The following CNTN5 variants were observed in gnomAD, a reference collection of about 807,000 sequenced individuals.
CNTN5 encodes the protein contactin 5, also known as contactin-5.
Under a neutral mutation model 129.1 loss-of-function variants are expected in CNTN5, and 77 were observed. That is an observed-to-expected ratio of 0.60 (90% CI 0.50 to 0.72). CNTN5 has a LOEUF of 0.72. Ranked by LOEUF, CNTN5 falls within the 30% of genes least tolerant of loss-of-function variation. The pLI is 0.00. For missense variants in CNTN5, 1,478 were observed against 1,328.8 expected (o/e 1.11, Z -1.75); for synonymous variants, 509 against 465.6 (o/e 1.09, Z -1.20).
At chr11:100,219,952 T>A (rs1949225462) in intron 15 of CNTN5, among the ~76,000 whole-genome samples, 1 of 152,174 alleles carries the variant, frequency 6.6e-6, no homozygotes, top group Admixed American at 6.6e-5. Flanking sequence ...AGACTGTCTA[T>A]GTATTATTTC....
intron 9 of CNTN5, among the ~76,000 whole-genome samples, chr11:100,038,331 G>A (rs1942153828): frequency 6.6e-6 from 1 of 151,760 alleles, no homozygotes; most frequent in Non-Finnish European, 1.5e-5. Context: ...TGGTCTGAGA[G>A]ACAGTTTGTT....
At chr11:99,558,952 C>G (rs2135545341) in intron 3 of CNTN5, among the ~76,000 whole-genome samples, 1 of 152,084 alleles carries the variant, frequency 6.6e-6, no homozygotes, top group African/African-American at 2.4e-5. Flanking sequence ...GATTAGGATA[C>G]TTGAAAGGAT....
intron 1 of CNTN5, among the ~76,000 whole-genome samples, chr11:99,044,748 G>GTAAAGTGTCGGGTCCTCTA (rs1202058037): frequency 1.3e-5 from 2 of 152,182 alleles, no homozygotes; most frequent in African/African-American, 4.8e-5. Context: ...AGGGTCCTCT[G>GTAAAGTGTCGGGTCCTCTA]TAAAGTGTCG....
At chr11:99,787,665 A>G (rs1945583390) in intron 3 of CNTN5, among the ~76,000 whole-genome samples, 1 of 152,080 alleles carries the variant, frequency 6.6e-6, no homozygotes, top group Non-Finnish European at 1.5e-5. Context: ...ATTTCAAAGA[A>G]GAAAAATATG....
intron 9 of CNTN5, among the ~76,000 whole-genome samples, chr11:100,055,236 C>A (rs767375813): frequency 4.0e-5 from 6 of 151,538 alleles, no homozygotes; most frequent in Non-Finnish European, 8.9e-5. Context: ...TCTTAACCAT[C>A]TTCCTCCCCA....
At chr11:99,762,845 G>A (rs1944628689) in intron 3 of CNTN5, among the ~76,000 whole-genome samples, 1 of 152,120 alleles carries the variant, frequency 6.6e-6, no homozygotes, top group African/African-American at 2.4e-5. Flanking sequence ...CAGACAGAAA[G>A]TTTTAAAGAT....
chr11:100,020,164 G>T lies in CNTN5; in HGVS notation c.980+18028G>T, dbSNP rs543008942. ...GATTTGATCTCATTTGTTCATATTTGCTTTGTTCCCTGTGATTTTAGAGTC... is the reference window on the plus strand; with the variant it reads ...GATTTGATCTCATTTGTTCATATTTTCTTTGTTCCCTGTGATTTTAGAGTC... On this transcript the variant is annotated intron_variant, in intron 9 of 24. Transcript: ENST00000524871. Among the ~76,000 whole-genome samples the T allele has an allele frequency of 4.6e-5, 7 of 151,890 alleles. 1 individual carries two copies. Among genetic ancestry groups the T allele is most frequent in the African/African-American group, 1.7e-4 (7 of 41,450 alleles).
At chr11:99,371,389 C>T (rs1023840144) in intron 2 of CNTN5, among the ~76,000 whole-genome samples, 1 of 151,846 alleles carries the variant, frequency 6.6e-6, no homozygotes, top group Non-Finnish European at 1.5e-5. Context: ...GTGTATAAAA[C>T]ATAGCCTATA....
At chr11:99,856,427 A>G (rs1268251822) in intron 6 of CNTN5, among the ~76,000 whole-genome samples, 2 of 152,146 alleles carry the variant, frequency 1.3e-5, no homozygotes, top group Admixed American at 6.5e-5. Context: ...TGGACTTTCA[A>G]TCTATTCTAC....
chr11:100,347,770 T>C (rs1324271420), intron 23 of CNTN5, among the ~76,000 whole-genome samples: 1 of 152,098 alleles, frequency 6.6e-6, no homozygotes, highest in Admixed American at 6.6e-5. Flanking sequence ...AGGCTTTAGA[T>C]TCCTCACCCT....
Position 99,766,739 on chromosome 11 carries a change from T to A in CNTN5, c.56-52805T>A, listed in dbSNP as rs376424919. Among the ~76,000 whole-genome samples, 794 of 152,178 alleles carry A rather than the reference T, an allele frequency of 5.2e-3. 6 individuals carry two copies. Among genetic ancestry groups the A allele is most frequent in the African/African-American group, 0.018 (754 of 41,564 alleles). On this transcript the variant is annotated intron_variant, in intron 3 of 24. Transcript: ENST00000524871. The stretch of plus-strand genomic sequence containing the variant: ...GGATTTAATATGCTTTAAAGCAGAT[T>A]TTTTATGCTCAAGTTATGCCTATTT...
At chr11:99,478,793 GAT>G (rs1388340178) in intron 2 of CNTN5, among the ~76,000 whole-genome samples, 1 of 152,022 alleles carries the variant, frequency 6.6e-6, no homozygotes, top group East Asian at 1.9e-4. Flanking sequence ...GCTATAGAGT[GAT>G]GTTTCCTACT....
At chr11:99,427,416 G>A (rs1008040360) in intron 2 of CNTN5, among the ~76,000 whole-genome samples, 1 of 152,090 alleles carries the variant, frequency 6.6e-6, no homozygotes, top group African/African-American at 2.4e-5. Flanking sequence ...TTCTCAAAGG[G>A]GAGAGAAAGC....
intron 3 of CNTN5, among the ~76,000 whole-genome samples, chr11:99,582,427 A>G (rs148197450): frequency 0.04 from 6,036 of 152,242 alleles, 166 homozygotes; most frequent in South Asian, 0.087. Flanking sequence ...GTGTTTTCCA[A>G]CTTGGCTCCA....
rs567914738 is a variant in CNTN5, at chr11:100,139,045, AAAG to A, written c.1581-52078_1581-52076del. On this transcript the variant is annotated intron_variant, in intron 13 of 24. Transcript: ENST00000524871. ...TTGACCTGAGGAATTGAAACAACTA[AAAG>A]AATAAAATTAGTCCTTATTGATGGA... Among the ~76,000 whole-genome samples the A allele has an allele frequency of 1.2e-3, 180 of 152,276 alleles. 3 individuals carry two copies. The South Asian group carries it at 0.034, about 29-fold the overall frequency.
intron 3 of CNTN5, among the ~76,000 whole-genome samples, chr11:99,572,710 A>G (rs538047040): frequency 2.0e-5 from 3 of 152,080 alleles, no homozygotes; most frequent in Admixed American, 6.6e-5. Context: ...TCAGACTTTC[A>G]GAAATAGTTA....
intron 1 of CNTN5, among the ~76,000 whole-genome samples, chr11:99,228,499 A>T (rs1860812313): frequency 6.6e-6 from 1 of 152,166 alleles, no homozygotes; most frequent in Non-Finnish European, 1.5e-5. Flanking sequence ...TGTTCGCAGC[A>T]TATAGAAAGG....
chr11:99,620,660 C>G (rs528570469), intron 3 of CNTN5, among the ~76,000 whole-genome samples: 2 of 152,036 alleles, frequency 1.3e-5, no homozygotes, highest in South Asian at 4.2e-4. Flanking sequence ...TAACAAGTTG[C>G]ATATCAAATA....
chr11:100,307,529 T>C (rs1187884174), intron 20 of CNTN5, among the ~76,000 whole-genome samples: 1 of 148,864 alleles, frequency 6.7e-6, no homozygotes, highest in Non-Finnish European at 1.5e-5. Context: ...AAAAAAAAAA[T>C]AGTGTGAAAG....
Sources: gnomAD v4.1 joint callset for allele counts (sites outside exome capture counted in the v4.1 genomes callset) on GRCh38, gnomAD v4.1.1 for gene constraint, MANE v1.5 for transcripts, NCBI Gene and HGNC (gene_info 2026-07-23, HGNC 2026-07-21) for gene names.